Variants in TTC24 observed in about 807,000 individuals in gnomAD.
The protein encoded by TTC24 is tetratricopeptide repeat domain 24, also known as tetratricopeptide repeat protein 24.
TTC24 carries 54 observed loss-of-function variants against 63.3 expected under a neutral mutation model. That is an observed-to-expected ratio of 0.85 (90% CI 0.69 to 1.07). The LOEUF (loss-of-function observed/expected upper bound fraction) is 1.07. TTC24 is among the 50% of genes least tolerant of loss of function. TTC24 has a pLI of 0.00. For synonymous variants in TTC24, 276 were observed against 304.3 expected (o/e 0.91, Z 0.97); for missense variants, 680 against 730.5 (o/e 0.93, Z 0.80).
rs1387545610 is a variant in TTC24 at position 156,585,963 on chromosome 1, GC to G, written c.1588del (p.His530IlefsTer5). On this transcript the variant is annotated frameshift_variant, in exon 10 of 11. Coordinates refer to ENST00000368236, the MANE Select transcript of TTC24 (RefSeq NM_001105669.4). LOFTEE classifies it high-confidence loss of function. Reference sequence around the variant, plus strand: ...TCTCCATCTAGGTCCAGGACCCAGGGCCCATCTTCCATTTGTAGGTCCAGGC... The same window carrying G: ...TCTCCATCTAGGTCCAGGACCCAGGGCCATCTTCCATTTGTAGGTCCAGGC... ...KASIYSPGPR[A>X]HLPFVGPGPP... 2 of 1,600,682 alleles carry G rather than the reference GC, an allele frequency of 1.2e-6. No homozygotes were observed. Among genetic ancestry groups the G allele is most frequent in the Middle Eastern group, 1.7e-4 (1 of 6,056 alleles).
In TTC24 at chr1:156,582,031, C is replaced by T. The variant is rs761447304; in HGVS notation, c.667C>T (p.Arg223Trp). The change falls in exon 2 of 11, where the codon CGG (arginine) becomes TGG (tryptophan). Residue 223 changes from arginine to tryptophan, a missense_variant. By Grantham distance (101) the Arg-to-Trp change is moderately radical. Coordinates refer to ENST00000368236, the MANE Select transcript of TTC24 (RefSeq NM_001105669.4). ...AGTTGTGCAGGTGCTGGAGAAAAGC[C>T]GGAGGCTTGCCGAGAGGAGCACTGA... ...GEVVQVLEKS[R>W]RLAERSTERR... 1.3e-5 allele frequency: 19 copies of T among 1,479,060 alleles called. No individual in the cohort carries two copies. The East Asian group carries it at 2.5e-4, about 19-fold the overall frequency. The allele number at this position is 1,479,060 out of a possible 1,614,324, so 91.6% of individuals were successfully genotyped here.
At chr1:156,582,895 A>G (rs1363234432) in intron 3 of TTC24, 147 bp from the exon 4 acceptor site, 1 of 987,566 alleles carries the variant, frequency 1.0e-6, no homozygotes, top group Non-Finnish European at 1.4e-6. Flanking sequence ...CTGGGTGTGG[A>G]GGGTTCAGGC....
rs1677069910 is a variant in TTC24, at chr1:156,583,691, C to G, written c.1153-106C>G. Reference sequence around the variant, plus strand: ...GGGATGGGGTAGAAGAGAGGGGAAACAAAGCCCCCCTCCCCCCTCCCTTTC... The same window carrying G: ...GGGATGGGGTAGAAGAGAGGGGAAAGAAAGCCCCCCTCCCCCCTCCCTTTC... On this transcript the variant is annotated intron_variant, in intron 5 of 10. Transcript: ENST00000368236. This position sits in a 1 kb window ranked among gnomAD's most constrained non-coding sequence, Gnocchi z 4.0. The G allele has an allele frequency of 9.3e-7, 1 of 1,070,170 alleles. No homozygotes were observed. The highest frequency in any genetic ancestry group is 1.4e-6 in the Non-Finnish European group (1 of 720,686). 66.3% of individuals were successfully genotyped at this position (1,070,170 alleles called of 1,614,324 possible).
rs1162229246 is a variant in TTC24, at chr1:156,581,899, G to C, written c.535G>C (p.Glu179Gln). ...TGAGCTAGCAGCCCACTGCCTGCAG[G>C]AAGCAAGCCAGGCCTATGCTCAAGA... ...QPELAAHCLQ[E>Q]ASQAYAQERQ... The change falls in exon 2 of 11, where the codon GAA (glutamate) becomes CAA (glutamine). Residue 179 changes from glutamate (E) to glutamine (Q), a missense_variant. Physicochemically the swap from Glu to Gln is conservative, Grantham distance 29. Transcript: ENST00000368236. The C allele has an allele frequency of 6.5e-7, 1 of 1,547,330 alleles. No individual in the cohort carries two copies. The highest frequency in any genetic ancestry group is 1.2e-5 in the South Asian group (1 of 83,856).
In TTC24 at chr1:156,586,126, C is replaced by T. The variant is rs1677154724; in HGVS notation, c.1667+81C>T. 3 of 1,041,322 alleles carry T rather than the reference C, an allele frequency of 2.9e-6. No homozygotes were observed. In the Admixed American group the frequency reaches 6.2e-5, roughly 22 times the overall value. 64.5% of individuals were successfully genotyped at this position (1,041,322 alleles called of 1,614,324 possible). A position where few individuals can be genotyped will look rare whatever the true frequency, so the allele number is the denominator to read the frequency against. On this transcript the variant is annotated intron_variant, in intron 10 of 10. Transcript: ENST00000368236. The stretch of plus-strand genomic sequence containing the variant: ...GTGGCTTGGGATGATTTTAATGAAA[C>T]ACGACTGCTGTTGAAGTTGGGGGAA...
chr1:156,581,618 T>C lies in TTC24; in HGVS notation c.254T>C (p.Leu85Pro). The part of the protein sequence containing the change: ...TPVLQACAFN[L>P]GAAYVETGDP... The stretch of plus-strand genomic sequence containing the variant: ...GTGCTCCAGGCCTGCGCCTTCAACC[T>C]GGGGGCTGCCTATGTGGAGACTGGG... Residue 85 changes from leucine to proline, a missense_variant, in exon 2 of 11, where the codon CTG (leucine) becomes CCG (proline). Leu to Pro is a moderately conservative substitution (Grantham distance 98). Coordinates refer to ENST00000368236, the MANE Select transcript of TTC24 (RefSeq NM_001105669.4). 18 of 1,551,730 alleles carry C rather than the reference T, an allele frequency of 1.2e-5. No homozygotes were observed. The highest frequency in any genetic ancestry group is 1.6e-5 in the Non-Finnish European group (18 of 1,147,002).
Position 156,586,645 on chromosome 1 carries a change from C to A in TTC24, c.*95C>A. On this transcript the variant is annotated 3_prime_UTR_variant, in exon 11 of 11. Transcript: ENST00000368236. ...GGGACCAAGCCTCTTCCCAGTTGCT[C>A]AGCCCTGCAGGGATGTGGAACACAG... 1.8e-6 allele frequency: 2 copies of A among 1,125,830 alleles called. No individual in the cohort carries two copies. Among genetic ancestry groups the A allele is most frequent in the Non-Finnish European group, 2.6e-6 (2 of 765,884 alleles). 69.7% of individuals were successfully genotyped at this position (1,125,830 alleles called of 1,614,324 possible).
In TTC24 at chr1:156,582,037, C is replaced by A; in HGVS notation, c.673C>A (p.Leu225Ile). 1 of 1,478,128 alleles carries A rather than the reference C, an allele frequency of 6.8e-7. No individual in the cohort carries two copies. The highest frequency in any genetic ancestry group is 9.0e-7 in the Non-Finnish European group (1 of 1,115,088). 91.6% of individuals were successfully genotyped at this position (1,478,128 alleles called of 1,614,324 possible). Residue 225 changes from leucine (L) to isoleucine (I), a missense_variant, in exon 2 of 11, where the codon CTT becomes ATT. Transcript: ENST00000368236. Reference protein sequence around the residue: ...VVQVLEKSRRLAERSTERRLL... With the variant: ...VVQVLEKSRRIAERSTERRLL... ...GCAGGTGCTGGAGAAAAGCCGGAGG[C>A]TTGCCGAGAGGAGCACTGAGAGGCG...
intron 8 of TTC24, 90 bp from the exon 9 acceptor site, chr1:156,585,623 T>A: frequency 1.1e-6 from 1 of 928,854 alleles, no homozygotes. Context: ...CACTACTCAA[T>A]AGCATCTCCC....
At position 156,583,583 on chromosome 1, in the gene TTC24, G is replaced by T; in HGVS notation, c.1152+133G>T. On this transcript the variant is annotated intron_variant, in intron 5 of 10. Coordinates refer to ENST00000368236, the MANE Select transcript of TTC24 (RefSeq NM_001105669.4). The surrounding 1 kb of genome is among the most constrained non-coding windows in gnomAD (Gnocchi z 4.0). ...CATGCACTGGACACACTGTGTGCTAGGTCTTGGGATACTATTGTGAGGAAG... is the reference window on the plus strand; with the variant it reads ...CATGCACTGGACACACTGTGTGCTATGTCTTGGGATACTATTGTGAGGAAG... 1.1e-6 allele frequency: 1 copy of T among 881,568 alleles called. No individual in the cohort carries two copies. The allele number at this position is 881,568 out of a possible 1,614,324, so 54.6% of individuals were successfully genotyped here. A position where few individuals can be genotyped will look rare whatever the true frequency, so the allele number is the denominator to read the frequency against.
At position 156,586,045 on chromosome 1, in the gene TTC24, G is replaced by T; in HGVS notation, c.1667G>T (p.Arg556Met). Residue 556 changes from arginine to methionine, a missense_variant and splice_region_variant, in exon 10 of 11, where the codon AGG becomes ATG. By Grantham distance (91) the Arg-to-Met change is moderately conservative. Coordinates refer to ENST00000368236, the MANE Select transcript of TTC24 (RefSeq NM_001105669.4). Reference sequence around the variant, plus strand: ...GTACCCAATGGCCCTCAAGCCAATAGGTGGGTCCTTGGGGGAAAGAAGGAG... The same window carrying T: ...GTACCCAATGGCCCTCAAGCCAATATGTGGGTCCTTGGGGGAAAGAAGGAG... ...ILVPNGPQANRSSRWPRESLS... is the reference protein window; with the variant it reads ...ILVPNGPQANMSSRWPRESLS... The T allele has an allele frequency of 6.4e-7, 1 of 1,566,126 alleles. No homozygotes were observed. The highest frequency in any genetic ancestry group is 8.7e-7 in the Non-Finnish European group (1 of 1,153,804).
intron 10 of TTC24, 61 bp downstream of exon 10, chr1:156,586,106 T>G (rs1677153826): frequency 8.3e-7 from 1 of 1,208,286 alleles, no homozygotes; most frequent in African/African-American, 1.5e-5. Context: ...AATGTGTGGC[T>G]TGGGATGATT....
In TTC24 at chr1:156,584,909, TG is replaced by T; in HGVS notation, c.1288del (p.Ala430ProfsTer48). ...SAPGRLQAPG[G>X]ASQAEGTPAK... ...CTCCGGGAAGACTCCAGGCTCCAGG[TG>T]GGGCCAGCCAGGCGGAGGGGACCCC... On this transcript the variant is annotated frameshift_variant, in exon 7 of 11. Transcript: ENST00000368236. LOFTEE classifies it high-confidence loss of function. 6.3e-7 allele frequency: 1 copy of T among 1,599,836 alleles called. No homozygotes were observed.
Position 156,582,227 on chromosome 1 carries a change from C to G in TTC24, c.707-4C>G, listed in dbSNP as rs948983532. The G allele has an allele frequency of 2.8e-5, 43 of 1,549,560 alleles. No homozygotes were observed. The highest frequency in any genetic ancestry group is 3.4e-5 in the Non-Finnish European group (39 of 1,145,678). On this transcript the variant is annotated splice_polypyrimidine_tract_variant and splice_region_variant and intron_variant, in intron 2 of 10. Transcript: ENST00000368236. ...CTACCAGTGACCCTGGCTATTCCCT[C>G]TAGGGCACCTCTATAACGATCTAGG...
chr1:156,582,472 G>A (rs1677028603), intron 3 of TTC24, 38 bp downstream of exon 3: 2 of 1,595,540 alleles, frequency 1.3e-6, no homozygotes, highest in East Asian at 4.5e-5. Flanking sequence ...CTGGGACTAA[G>A]ACACTAAGAA....
intron 8 of TTC24, 94 bp from the exon 9 acceptor site, chr1:156,585,619 T>C: frequency 1.1e-6 from 1 of 900,484 alleles, no homozygotes; most frequent in Non-Finnish European, 1.9e-6. Context: ...AGCTCACTAC[T>C]CAATAGCATC....
At chr1:156,580,146 C>T (rs1054048033) in intron 1 of TTC24, among the ~76,000 whole-genome samples, 1 of 152,116 alleles carries the variant, frequency 6.6e-6, no homozygotes, top group African/African-American at 2.4e-5. Flanking sequence ...AGACAGAAAG[C>T]GGAAGAAATG....
At chr1:156,584,035 A>T in intron 6 of TTC24, 140 bp downstream of exon 6, 5 of 644,962 alleles carry the variant, frequency 7.8e-6, no homozygotes, top group Non-Finnish European at 1.1e-5. Flanking sequence ...GAGCCTGCGC[A>T]TGAGATATAT....
Position 156,583,045 on chromosome 1 carries a change from C to T in TTC24, c.914C>T (p.Ser305Phe). The T allele has an allele frequency of 6.2e-7, 1 of 1,611,578 alleles. No homozygotes were observed. The highest frequency in any genetic ancestry group is 8.5e-7 in the Non-Finnish European group (1 of 1,178,728). Residue 305 changes from serine to phenylalanine, a missense_variant, in exon 4 of 11, where the codon TCT becomes TTT. Physicochemically the swap from Ser to Phe is radical, Grantham distance 155. Transcript: ENST00000368236. The surrounding 1 kb of genome is among the most constrained non-coding windows in gnomAD (Gnocchi z 4.0). ...ATGGGGTGGGCTCTGTCCTCAGGCT[C>T]TGTGGGGCAGCGGTGGGAGCAGGGC... ...FHQKAADLHG[S>F]VGQRWEQGRS...
Sources: gnomAD v4.1 joint callset for allele counts (sites outside exome capture counted in the v4.1 genomes callset) on GRCh38, gnomAD v4.1.1 for gene constraint, Gnocchi (gnomAD v3.1) non-coding constraint, MANE v1.5 for transcripts, NCBI Gene and HGNC (gene_info 2026-07-23, HGNC 2026-07-21) for gene names.